Variants in C9orf85 observed in about 807,000 individuals in gnomAD.
C9orf85 encodes uncharacterized protein C9orf85.
Under a neutral mutation model 14.9 loss-of-function variants are expected in C9orf85, and 16 were observed. The ratio of observed to expected loss-of-function variants is 1.08; its 90% CI spans 0.73 to 1.63. The LOEUF (loss-of-function observed/expected upper bound fraction) is 1.63, where lower values mean the gene tolerates loss of function less well. C9orf85 is among the 40% of genes most tolerant of loss of function. The pLI is 0.00. For missense variants in C9orf85, 172 were observed against 186.1 expected (o/e 0.92, Z 0.44); for synonymous variants, 45 against 56.8 (o/e 0.79, Z 0.93).
chr9:71,933,286 G>A (rs1488194270), intron 1 of C9orf85, among the ~76,000 whole-genome samples: 1 of 152,180 alleles, frequency 6.6e-6, no homozygotes, highest in Non-Finnish European at 1.5e-5. Flanking sequence ...CAAGTTAGGT[G>A]AATTTAGAGA....
intron 1 of C9orf85, among the ~76,000 whole-genome samples, chr9:71,930,625 G>A (rs1828046775): frequency 6.7e-6 from 1 of 149,306 alleles, no homozygotes; most frequent in African/African-American, 2.5e-5. Flanking sequence ...GTGACATAGT[G>A]AGACTCTGTC....
intron 2 of C9orf85, among the ~76,000 whole-genome samples, chr9:71,969,236 T>A (rs1267498476): frequency 6.6e-6 from 1 of 152,014 alleles, no homozygotes; most frequent in African/African-American, 2.4e-5. Flanking sequence ...GCAACCTCTG[T>A]CTCCCAGGTT....
At chr9:71,936,862 G>A (rs544269737) in intron 1 of C9orf85, among the ~76,000 whole-genome samples, 3 of 148,502 alleles carry the variant, frequency 2.0e-5, no homozygotes, top group African/African-American at 5.0e-5. Context: ...TGGCTCAAGC[G>A]ATCCTCCCAC....
chr9:71,961,516 G>A (rs1213101247), intron 2 of C9orf85, among the ~76,000 whole-genome samples: 14 of 152,140 alleles, frequency 9.2e-5, no homozygotes, highest in East Asian at 3.9e-4. Context: ...AGCTGAGATC[G>A]CGCCACTGCA....
At chr9:71,978,300 G>A (rs1823040638), downstream of C9orf85, among the ~76,000 whole-genome samples, 1 of 152,066 alleles carries the variant, frequency 6.6e-6, no homozygotes, top group Non-Finnish European at 1.5e-5. Flanking sequence ...TATGGAGACA[G>A]CGTTTTGCAA....
intron 1 of C9orf85, among the ~76,000 whole-genome samples, chr9:71,927,325 C>T (rs923101280): frequency 1.0e-4 from 15 of 147,910 alleles, no homozygotes; most frequent in South Asian, 2.1e-4. Flanking sequence ...TAAAAAGATG[C>T]GAGAGAAGAA....
At chr9:71,962,864 C>G (rs964155653) in intron 2 of C9orf85, among the ~76,000 whole-genome samples, 3 of 152,014 alleles carry the variant, frequency 2.0e-5, no homozygotes, top group African/African-American at 7.2e-5. Flanking sequence ...GAGACCAGCC[C>G]GGCAAACATG....
rs527885959 is a variant in C9orf85, at chr9:71,937,094, C to T, written c.103-9912C>T. On this transcript the variant is annotated intron_variant, in intron 1 of 3. Transcript: ENST00000334731. ...TTCAAAGTTGCGATAGATTTATCAG[C>T]GCAGTGTTTGTTAGAATGCTTCGCA... is the stretch of plus-strand genomic sequence containing the variant. Among the ~76,000 whole-genome samples, 33 of 152,242 alleles carry T rather than the reference C, an allele frequency of 2.2e-4. No individual in the cohort carries two copies. The South Asian group carries it at 2.9e-3, about 13-fold the overall frequency.
At chr9:71,916,670 A>C (rs1827660151) in intron 1 of C9orf85, among the ~76,000 whole-genome samples, 2 of 152,140 alleles carry the variant, frequency 1.3e-5, no homozygotes, top group South Asian at 4.1e-4. Context: ...ATACAAGTTG[A>C]GTATTATTTA....
chr9:71,932,296 A>G (rs1395074956), intron 1 of C9orf85, among the ~76,000 whole-genome samples: 2 of 152,154 alleles, frequency 1.3e-5, no homozygotes, highest in Admixed American at 6.5e-5. Context: ...AGCTCATTCT[A>G]TCTGAATTCT....
At chr9:71,915,744 C>T (rs1827632886) in intron 1 of C9orf85, among the ~76,000 whole-genome samples, 1 of 152,180 alleles carries the variant, frequency 6.6e-6, no homozygotes, top group South Asian at 2.1e-4. Context: ...TGATACAGTG[C>T]ATATGTAATA....
chr9:71,934,829 C>G (rs1439274024), intron 1 of C9orf85, among the ~76,000 whole-genome samples: 1 of 151,602 alleles, frequency 6.6e-6, no homozygotes, highest in Admixed American at 6.6e-5. Flanking sequence ...AAGATGGTGC[C>G]ATTGTACTCC....
chr9:71,971,797 C>T (rs1822875421), intron 3 of C9orf85, among the ~76,000 whole-genome samples, 179 bp downstream of exon 3: 3 of 151,762 alleles, frequency 2.0e-5, no homozygotes, highest in Admixed American at 2.0e-4. Flanking sequence ...GATGGTGAAA[C>T]CTCATCTCTA....
In C9orf85 at chr9:71,972,751, G is replaced by A; in HGVS notation, c.383G>A (p.Arg128Lys). 1 of 1,609,176 alleles carries A rather than the reference G, an allele frequency of 6.2e-7. No individual in the cohort carries two copies. The highest frequency in any genetic ancestry group is 8.5e-7 in the Non-Finnish European group (1 of 1,175,958). The change falls in exon 4 of 4, where the codon AGA becomes AAA. Residue 128 changes from arginine to lysine, a missense_variant. Coordinates refer to ENST00000334731, the MANE Select transcript of C9orf85 (RefSeq NM_182505.5). ...HTENNLSSNH[R>K]RSCRRNEESD... ...GAAAATAATCTAAGTTCCAACCATA[G>A]AAGAAGCTGCAGAAGAAATGAAGAA...
At chr9:71,964,956 A>G (rs561062827) in intron 2 of C9orf85, among the ~76,000 whole-genome samples, 7 of 152,220 alleles carry the variant, frequency 4.6e-5, no homozygotes, top group Non-Finnish European at 7.4e-5. Flanking sequence ...AGGAGCGGCA[A>G]TGGGCACCTG....
intron 1 of C9orf85, among the ~76,000 whole-genome samples, chr9:71,914,864 C>T (rs955391777): frequency 2.6e-5 from 4 of 152,140 alleles, no homozygotes; most frequent in Non-Finnish European, 5.9e-5. Context: ...GTCACCGGTA[C>T]CCTCAAATGA....
intron 2 of C9orf85, among the ~76,000 whole-genome samples, chr9:71,959,991 C>T (rs974440583): frequency 1.3e-5 from 2 of 152,196 alleles, no homozygotes; most frequent in African/African-American, 4.8e-5. Flanking sequence ...GAATCTGTGA[C>T]GCCCAGGAAT....
chr9:71,970,214 C>T (rs1225292328), intron 2 of C9orf85, among the ~76,000 whole-genome samples: 2 of 152,146 alleles, frequency 1.3e-5, no homozygotes, highest in Admixed American at 1.3e-4. Context: ...TCCCAAAGTG[C>T]TGGGATTATA....
intron 3 of C9orf85, among the ~76,000 whole-genome samples, chr9:71,979,055 G>C (rs1823052893): frequency 6.6e-6 from 1 of 152,068 alleles, no homozygotes; most frequent in African/African-American, 2.4e-5. Flanking sequence ...ATGTTTTTTT[G>C]CTTATTTAGT....
Sources: allele counts gnomAD v4.1 joint callset (sites outside exome capture counted in the v4.1 genomes callset), GRCh38; gene constraint gnomAD v4.1.1; transcripts MANE v1.5; gene names NCBI Gene and HGNC (gene_info 2026-07-23, HGNC 2026-07-21).